Variants in ERICH1 observed in about 807,000 individuals in gnomAD.
ERICH1 encodes the protein glutamate rich 1.
A neutral mutation model predicts 39.6 loss-of-function variants in ERICH1; 56 were observed. That is an observed-to-expected ratio of 1.41 (90% CI 1.14 to 1.77). The LOEUF (loss-of-function observed/expected upper bound fraction) is 1.77, where lower values mean the gene tolerates loss of function less well. Among genes scored for constraint, ERICH1 ranks in the 40% most tolerant of loss-of-function variants. The pLI, the probability that ERICH1 is intolerant of heterozygous loss-of-function variation, is 0.00. For synonymous variants in ERICH1, 313 were observed against 223.6 expected (o/e 1.40, Z -3.57); for missense variants, 826 against 575.4 (o/e 1.44, Z -4.45).
chr8:645,487 G>A lies in ERICH1; in HGVS notation c.976+23111C>T, dbSNP rs1465155986. Among the ~76,000 whole-genome samples the A allele has an allele frequency of 1.6e-4, 8 of 49,246 alleles. 2 individuals are homozygous for A. Among genetic ancestry groups the A allele is most frequent in the African/African-American group, 4.4e-4 (8 of 18,300 alleles). 32.3% of individuals were successfully genotyped at this position (49,246 alleles called of 152,430 possible). A position where few individuals can be genotyped will look rare whatever the true frequency, so the allele number is the denominator to read the frequency against. On this transcript the variant is annotated intron_variant, in intron 3 of 3. Coordinates refer to the ERICH1 transcript ENST00000522706. Reference sequence around the variant, plus strand: ...CTCTTGAACTTTATGGCAGACAGTCGTGTTTTCCTTACTGTCCCCCCCAAA... The same window carrying A: ...CTCTTGAACTTTATGGCAGACAGTCATGTTTTCCTTACTGTCCCCCCCAAA...
chr8:676,542 C>CGCGGCGGCCCCTCGTGAGG (rs1374456050), intron 3 of ERICH1, among the ~76,000 whole-genome samples: 1 of 152,044 alleles, frequency 6.6e-6, no homozygotes, highest in South Asian at 2.1e-4. Context: ...AGGACAGAGG[C>CGCGGCGGCCCCTCGTGAGG]ACACTACCCG....
At chr8:671,017 C>T (rs901435253) in intron 4 of ERICH1, among the ~76,000 whole-genome samples, 13 of 151,942 alleles carry the variant, frequency 8.6e-5, no homozygotes, top group African/African-American at 3.1e-4. Context: ...ACCTCTGAAC[C>T]TGCCGGCCCC....
At chr8:708,433 G>C (rs1324774160) in intron 2 of ERICH1, among the ~76,000 whole-genome samples, 1 of 151,966 alleles carries the variant, frequency 6.6e-6, no homozygotes, top group Non-Finnish European at 1.5e-5. Flanking sequence ...AACAAAATGT[G>C]GTCTATTCAT....
At position 694,031 on chromosome 8, in the gene ERICH1, G is replaced by A. The variant is rs563880982; in HGVS notation, c.170-1419C>T. On this transcript the variant is annotated intron_variant, in intron 2 of 5. Coordinates refer to ENST00000262109, the MANE Select transcript of ERICH1 (RefSeq NM_207332.3). Reference sequence around the variant, plus strand: ...ATATGGCAGTGATGCTCTTGCACGTGACAAACACAAGTGGACATCCCAGCT... The same window carrying A: ...ATATGGCAGTGATGCTCTTGCACGTAACAAACACAAGTGGACATCCCAGCT... Among the ~76,000 whole-genome samples, 4 of 152,328 alleles carry A rather than the reference G, an allele frequency of 2.6e-5. No individual in the cohort carries two copies. The South Asian group carries it at 8.3e-4, about 32-fold the overall frequency.
At chr8:631,511 G>C (rs1271461126) in intron 3 of ERICH1, among the ~76,000 whole-genome samples, 1 of 152,222 alleles carries the variant, frequency 6.6e-6, no homozygotes, top group Non-Finnish European at 1.5e-5. Context: ...GCGCCAGGAA[G>C]TGGTGACGGA....
At chr8:678,754 G>C (rs1158766305) in intron 3 of ERICH1, among the ~76,000 whole-genome samples, 1 of 152,154 alleles carries the variant, frequency 6.6e-6, no homozygotes, top group Admixed American at 6.5e-5. Flanking sequence ...CTTGCAGTGA[G>C]CCCAGATTGC....
chr8:657,517 C>T (rs1015852837), intron 3 of ERICH1, among the ~76,000 whole-genome samples: 13 of 150,360 alleles, frequency 8.6e-5, no homozygotes, highest in South Asian at 4.3e-4. Flanking sequence ...CTCACAGGGG[C>T]GATGCTTGTC....
intron 3 of ERICH1, chr8:627,012 G>A (rs954533814): frequency 9.8e-5 from 42 of 426,710 alleles, no homozygotes; most frequent in Middle Eastern, 6.3e-4. Flanking sequence ...CCAAGCTCTC[G>A]TCATGGTGTC....
At chr8:622,146 C>A (rs1036913565) in intron 3 of ERICH1, among the ~76,000 whole-genome samples, 2 of 152,164 alleles carry the variant, frequency 1.3e-5, no homozygotes, top group African/African-American at 4.8e-5. Context: ...TATTTGATCC[C>A]AGGAGTTTGA....
At chr8:688,598 T>C (rs1222265164) in intron 3 of ERICH1, among the ~76,000 whole-genome samples, 2 of 152,164 alleles carry the variant, frequency 1.3e-5, no homozygotes, top group Non-Finnish European at 2.9e-5. Context: ...TGGTAAACCC[T>C]GATTACTCAG....
intron 3 of ERICH1, chr8:637,388 T>A (rs1383743708): frequency 1.3e-5 from 2 of 152,248 alleles, no homozygotes; most frequent in Non-Finnish European, 2.9e-5. Flanking sequence ...CCCATGTGTC[T>A]CCTCTCATGC....
downstream of ERICH1, among the ~76,000 whole-genome samples, chr8:660,485 C>A (rs1459639051): frequency 3.3e-5 from 5 of 152,206 alleles, no homozygotes; most frequent in Admixed American, 3.3e-4. Flanking sequence ...GGACACGGAG[C>A]CTCTGTCCTG....
At chr8:687,229 G>C (rs1410198607) in intron 3 of ERICH1, among the ~76,000 whole-genome samples, 1 of 152,174 alleles carries the variant, frequency 6.6e-6, no homozygotes, top group African/African-American at 2.4e-5. Flanking sequence ...TCTGTAGCTG[G>C]ATCTGAGCAC....
At chr8:697,832 T>A (rs892532377) in intron 2 of ERICH1, among the ~76,000 whole-genome samples, 2 of 151,596 alleles carry the variant, frequency 1.3e-5, no homozygotes, top group East Asian at 3.9e-4. Context: ...CACAGCAGAG[T>A]GCGTGATAGG....
At chr8:704,604 C>T (rs1248616720) in intron 2 of ERICH1, among the ~76,000 whole-genome samples, 3 of 151,890 alleles carry the variant, frequency 2.0e-5, no homozygotes, top group Non-Finnish European at 4.4e-5. Flanking sequence ...AACATGTAAA[C>T]AATACTGATG....
At chr8:622,696 T>C (rs935122661) in intron 3 of ERICH1, among the ~76,000 whole-genome samples, 1 of 152,184 alleles carries the variant, frequency 6.6e-6, no homozygotes, top group African/African-American at 2.4e-5. Context: ...CTCACACCTG[T>C]AATCCCAGAA....
At chr8:617,450 C>G (rs11781048) in intron 3 of ERICH1, among the ~76,000 whole-genome samples, 86,344 of 152,080 alleles carry the variant, frequency 0.57, 26,304 homozygotes, top group East Asian at 0.87. Flanking sequence ...TCTGACCCCA[C>G]TGGGGAGTGC....
intron 2 of ERICH1, among the ~76,000 whole-genome samples, chr8:695,746 T>C (rs1289267690): frequency 1.0e-5 from 1 of 96,222 alleles, no homozygotes; most frequent in African/African-American, 4.3e-5. Flanking sequence ...CCTGCGCCTG[T>C]GCTGGCTCCT....
At chr8:726,989 ACACACG>A (rs1818906517) in intron 1 of ERICH1, among the ~76,000 whole-genome samples, 1 of 138,134 alleles carries the variant, frequency 7.2e-6, no homozygotes, top group Admixed American at 6.8e-5. Context: ...ATACACATAC[ACACACG>A]CACACCACAC....
Sources: gnomAD v4.1 joint callset for allele counts (sites outside exome capture counted in the v4.1 genomes callset) on GRCh38, gnomAD v4.1.1 for gene constraint, MANE v1.5 for transcripts, NCBI Gene and HGNC (gene_info 2026-07-23, HGNC 2026-07-21) for gene names.